APC: variants seen among roughly 807,000 people sequenced by gnomAD.
APC encodes the protein APC regulator of Wnt signaling pathway, also known as adenomatous polyposis coli protein.
APC carries 72 observed loss-of-function variants against 247.0 expected under a neutral mutation model. The ratio of observed to expected loss-of-function variants is 0.29; its 90% CI spans 0.24 to 0.35. The LOEUF (loss-of-function observed/expected upper bound fraction) is 0.35, where lower values mean the gene tolerates loss of function less well. APC is among the 10% of genes least tolerant of loss of function. The pLI, the probability that APC is intolerant of heterozygous loss-of-function variation, is 1.00. For synonymous variants in APC, 1,254 were observed against 1,162.5 expected (o/e 1.08, Z -1.60); for missense variants, 3,400 against 3,360.7 (o/e 1.01, Z -0.29).
At chr5:112,788,843 A>G (rs999927644) in intron 6 of APC, among the ~76,000 whole-genome samples, 3 of 152,200 alleles carry the variant, frequency 2.0e-5, no homozygotes, top group African/African-American at 7.2e-5. Flanking sequence ...TTAAGATTCT[A>G]TACACTGTCA....
At chr5:112,763,346 ACAT>A (rs1481542830) in intron 2 of APC, among the ~76,000 whole-genome samples, 5 of 128,670 alleles carry the variant, frequency 3.9e-5, no homozygotes, top group African/African-American at 6.0e-5. Context: ...GCATTTGATG[ACAT>A]CATATTTTGC....
rs77383928 is a variant in APC, at chr5:112,747,607, C to T, written c.-18-7266C>T. Reference sequence around the variant, plus strand: ...AATCTCCCAAATTTATCACCTCTTTCGCCTAAGACCCCATTAAAGTGATAG... The same window carrying T: ...AATCTCCCAAATTTATCACCTCTTTTGCCTAAGACCCCATTAAAGTGATAG... On this transcript the variant is annotated intron_variant, in intron 1 of 15. Coordinates refer to ENST00000257430, the MANE Select transcript of APC (RefSeq NM_000038.6). Among the ~76,000 whole-genome samples, 782 of 152,238 alleles carry T rather than the reference C, an allele frequency of 5.1e-3. 4 individuals are homozygous for T. The highest frequency in any genetic ancestry group is 0.018 in the African/African-American group (748 of 41,536).
intron 6 of APC, chr5:112,783,886 C>G: frequency 3.6e-6 from 1 of 279,328 alleles, no homozygotes; most frequent in South Asian, 3.3e-5. Context: ...GTTCAAGTGT[C>G]TAATAAACAA....
chr5:112,733,737 A>G (rs972306298), upstream of APC, among the ~76,000 whole-genome samples: 11 of 152,210 alleles, frequency 7.2e-5, no homozygotes, highest in East Asian at 1.9e-4. Context: ...TTTGGCAGCC[A>G]TAGGACATTT....
intron 15 of APC, among the ~76,000 whole-genome samples, chr5:112,836,538 A>T (rs904193704): frequency 5.3e-5 from 8 of 152,204 alleles, no homozygotes; most frequent in African/African-American, 1.7e-4. Context: ...GCTGTCATTA[A>T]TCTTCAGTTT....
At chr5:112,711,533 A>G (rs1190859573) in intron 1 of APC, among the ~76,000 whole-genome samples, 1 of 152,150 alleles carries the variant, frequency 6.6e-6, no homozygotes, top group Admixed American at 6.5e-5. Context: ...TTTTCCTTTT[A>G]TCAGTTAGGC....
At chr5:112,784,611 G>A (rs1167172394) in intron 6 of APC, among the ~76,000 whole-genome samples, 1 of 152,104 alleles carries the variant, frequency 6.6e-6, no homozygotes, top group Non-Finnish European at 1.5e-5. Flanking sequence ...GAATATGGTA[G>A]CCAAAGCACT....
At chr5:112,720,851 AC>A in intron 1 of APC, among the ~76,000 whole-genome samples, 1 of 152,200 alleles carries the variant, frequency 6.6e-6, no homozygotes, top group Non-Finnish European at 1.5e-5. Flanking sequence ...CTGCTCTGGT[AC>A]AGGCACGTAA....
intron 7 of APC, among the ~76,000 whole-genome samples, chr5:112,793,803 C>G (rs1037189586): frequency 2.0e-5 from 3 of 152,054 alleles, no homozygotes; most frequent in Non-Finnish European, 4.4e-5. Context: ...TCTCCAGTAT[C>G]TAACATCATG....
chr5:112,795,316 G>A (rs555091563), intron 7 of APC, among the ~76,000 whole-genome samples: 8 of 152,312 alleles, frequency 5.3e-5, no homozygotes, highest in African/African-American at 7.2e-5. Flanking sequence ...ATAAGCCACC[G>A]TTCCCAGCCT....
Position 112,840,495 on chromosome 5 carries a change from C to G in APC, c.4901C>G (p.Pro1634Arg), listed in dbSNP as rs370433763. Residue 1634 changes from proline to arginine, a missense_variant, in exon 16 of 16, where the codon CCG becomes CGG. By Grantham distance (103) the Pro-to-Arg change is moderately radical. This residue lies in a region of APC where 1,788 missense variants were observed against 1,649.5 expected (regional missense o/e 1.08). Coordinates refer to ENST00000257430, the MANE Select transcript of APC (RefSeq NM_000038.6). This position sits in a 1 kb window ranked among gnomAD's most constrained non-coding sequence, Gnocchi z 4.1. ...LQPQKHVSFTPGDDMPRVYCV... is the reference protein window; with the variant it reads ...LQPQKHVSFTRGDDMPRVYCV... Reference sequence around the variant, plus strand: ...CCCCAAAAGCATGTTAGTTTTACACCGGGGGATGATATGCCACGGGTGTAT... The same window carrying G: ...CCCCAAAAGCATGTTAGTTTTACACGGGGGGATGATATGCCACGGGTGTAT... 6.2e-7 allele frequency: 1 copy of G among 1,614,044 alleles called. No homozygotes were observed. The highest frequency in any genetic ancestry group is 1.1e-5 in the South Asian group (1 of 91,056).
At chr5:112,710,741 A>G (rs1750802704) in intron 1 of APC, among the ~76,000 whole-genome samples, 1 of 152,152 alleles carries the variant, frequency 6.6e-6, no homozygotes, top group South Asian at 2.1e-4. Flanking sequence ...AGAACTTTTG[A>G]TCTGGGTTTT....
intron 8 of APC, among the ~76,000 whole-genome samples, chr5:112,811,303 G>C (rs573313895): frequency 2.0e-5 from 3 of 152,328 alleles, no homozygotes; most frequent in African/African-American, 7.2e-5. Context: ...AGCAGGTCTT[G>C]AGGTTGTGAG....
rs867453202 is a variant in APC at position 112,844,674 on chromosome 5, A to G, written c.*548A>G. On this transcript the variant is annotated 3_prime_UTR_variant, in exon 16 of 16. Transcript: ENST00000257430. ...CTGCATGAATGAAACTGATGGTTCA[A>G]TTTCAGAAGTAATGATTAACAGTTA... 9.4e-5 allele frequency: 22 copies of G among 233,094 alleles called. No homozygotes were observed. Among genetic ancestry groups the G allele is most frequent in the African/African-American group, 3.8e-4 (17 of 45,284 alleles). 14.4% of individuals were successfully genotyped at this position (233,094 alleles called of 1,614,324 possible). A position where few individuals can be genotyped will look rare whatever the true frequency, so the allele number is the denominator to read the frequency against.
intron 1 of APC, among the ~76,000 whole-genome samples, chr5:112,718,550 A>T (rs2149652181): frequency 6.6e-6 from 1 of 152,306 alleles, no homozygotes; most frequent in South Asian, 2.1e-4. Context: ...CTGTGCCTGC[A>T]ATGCAGGCAA....
rs182711327 is a variant in APC at position 112,844,457 on chromosome 5, A to C, written c.*331A>C. 1.9e-4 allele frequency: 54 copies of C among 286,076 alleles called. No individual in the cohort carries two copies. Among genetic ancestry groups the C allele is most frequent in the African/African-American group, 9.7e-4 (45 of 46,496 alleles). The allele number at this position is 286,076 out of a possible 1,614,324, so 17.7% of individuals were successfully genotyped here. On this transcript the variant is annotated 3_prime_UTR_variant, in exon 16 of 16. Coordinates refer to ENST00000257430, the MANE Select transcript of APC (RefSeq NM_000038.6). ...ATGAACACTACAGATAGAAAATATG[A>C]TATATTGCTGTTATCAATCATTTCT...
intron 8 of APC, among the ~76,000 whole-genome samples, chr5:112,802,226 T>C (rs1760905263): frequency 6.6e-6 from 1 of 152,138 alleles, no homozygotes; most frequent in South Asian, 2.1e-4. Flanking sequence ...ATTAGTTCAT[T>C]AAAATGTAAA....
intron 1 of APC, among the ~76,000 whole-genome samples, chr5:112,752,603 A>C (rs753041890): frequency 7.2e-5 from 11 of 152,206 alleles, no homozygotes; most frequent in Non-Finnish European, 1.3e-4. Flanking sequence ...TAATGTGATC[A>C]CACAAGTTTC....
At chr5:112,799,444 C>G (rs1229435418) in intron 7 of APC, among the ~76,000 whole-genome samples, 1 of 152,086 alleles carries the variant, frequency 6.6e-6, no homozygotes, top group African/African-American at 2.4e-5. Flanking sequence ...TCAGATTTAC[C>G]TCTATGTCTC....
Sources: allele counts gnomAD v4.1 joint callset (sites outside exome capture counted in the v4.1 genomes callset), GRCh38; gene constraint gnomAD v4.1.1; regional missense constraint gnomAD v4.1.1; non-coding constraint Gnocchi (gnomAD v3.1); transcripts MANE v1.5; gene names NCBI Gene and HGNC (gene_info 2026-07-23, HGNC 2026-07-21).